Variants in TXNDC8 observed in about 807,000 individuals in gnomAD.
TXNDC8 encodes the protein thioredoxin domain-containing protein 8.
TXNDC8 carries 15 observed loss-of-function variants against 12.9 expected under a neutral mutation model. The observed-to-expected ratio is 1.16, with a 90% CI of 0.78 to 1.79. The LOEUF (loss-of-function observed/expected upper bound fraction) is 1.79, where lower values mean the gene tolerates loss of function less well. Ranked by LOEUF, TXNDC8 falls within the 40% of genes most tolerant of loss-of-function variation. The probability of loss-of-function intolerance (pLI) is 0.00; values close to 1 mark genes in which losing one functional copy is unlikely to be tolerated. For missense variants in TXNDC8, 128 were observed against 113.2 expected (o/e 1.13, Z -0.59); for synonymous variants, 40 against 35.4 (o/e 1.13, Z -0.46).
intron 3 of TXNDC8, among the ~76,000 whole-genome samples, chr9:110,310,936 A>G (rs1332570385): frequency 1.3e-5 from 2 of 152,268 alleles, no homozygotes; most frequent in Non-Finnish European, 2.9e-5. Flanking sequence ...AAATAGTTAC[A>G]TCTTGAATTT....
intron 3 of TXNDC8, among the ~76,000 whole-genome samples, chr9:110,318,746 A>C (rs1463958776): frequency 1.3e-5 from 2 of 152,206 alleles, no homozygotes; most frequent in African/African-American, 4.8e-5. Context: ...TAAAAAAAAA[A>C]AAAATTTTAA....
chr9:110,325,693 G>A (rs146727897), intron 3 of TXNDC8, among the ~76,000 whole-genome samples: 14,113 of 151,920 alleles, frequency 0.093, 1,191 homozygotes, highest in East Asian at 0.45. Flanking sequence ...GCTAATTTTT[G>A]TATTTTTAAT....
chr9:110,305,956 C>T (rs553084887), intron 3 of TXNDC8, among the ~76,000 whole-genome samples: 1 of 151,808 alleles, frequency 6.6e-6, no homozygotes, highest in South Asian at 2.1e-4. Context: ...CTCACTGCAA[C>T]CTCAGCTCAC....
rs1838934312 is a variant in TXNDC8 at position 110,317,601 on chromosome 9, T to C, written c.195+8574A>G. 2.6e-5 allele frequency among the ~76,000 whole-genome samples: 4 copies of C among 152,242 alleles called. No individual in the cohort carries two copies. The South Asian group carries it at 8.3e-4, about 31-fold the overall frequency. On this transcript the variant is annotated intron_variant, in intron 3 of 4. Coordinates refer to ENST00000423740, the MANE Select transcript of TXNDC8 (RefSeq NM_001286946.2). Reference sequence around the variant, plus strand: ...TTGTGCAAAGCAACAATACCTCTTTTACCTGCACAGGTAAGTTTCTTCTTT... The same window carrying C: ...TTGTGCAAAGCAACAATACCTCTTTCACCTGCACAGGTAAGTTTCTTCTTT...
intron 3 of TXNDC8, among the ~76,000 whole-genome samples, chr9:110,321,625 C>T (rs1839097051): frequency 6.6e-6 from 1 of 150,742 alleles, no homozygotes; most frequent in Non-Finnish European, 1.5e-5. Context: ...AAGAGAGGAG[C>T]ACATTTATGG....
intron 3 of TXNDC8, among the ~76,000 whole-genome samples, chr9:110,317,363 C>T (rs573868827): frequency 6.6e-6 from 1 of 152,338 alleles, no homozygotes; most frequent in Non-Finnish European, 1.5e-5. Context: ...CCCTTCACTT[C>T]TCCCCATGTT....
rs571668584 is a variant in TXNDC8 at position 110,306,305 on chromosome 9, A to G, written c.196-1773T>C. 9.2e-5 allele frequency among the ~76,000 whole-genome samples: 14 copies of G among 152,334 alleles called. No homozygotes were observed. The South Asian group carries it at 2.9e-3, about 32-fold the overall frequency. ...GGCTTTAGGGGACAAGTTTGCTACC[A>G]AATTCCATATGTTTTACCTTGGTCA... On this transcript the variant is annotated intron_variant, in intron 3 of 4. Coordinates refer to ENST00000423740, the MANE Select transcript of TXNDC8 (RefSeq NM_001286946.2).
At chr9:110,337,623 A>C in intron 1 of TXNDC8, 150 bp downstream of exon 1, 1 of 711,342 alleles carries the variant, frequency 1.4e-6, no homozygotes, top group South Asian at 2.0e-5. Context: ...CCCTCAAGGA[A>C]CAAGATAAAG....
intron 2 of TXNDC8, among the ~76,000 whole-genome samples, chr9:110,332,267 G>C (rs1175975247): frequency 2.0e-5 from 3 of 152,084 alleles, no homozygotes; most frequent in Non-Finnish European, 2.9e-5. Flanking sequence ...TGTTGGCCAG[G>C]GTGGTCTGGA....
At chr9:110,303,463 A>G (rs1331677966), downstream of TXNDC8, 1 of 1,496,558 alleles carries the variant, frequency 6.7e-7, no homozygotes, top group East Asian at 2.6e-5. Context: ...TGAAAGCACA[A>G]ACACATTTGC....
intron 3 of TXNDC8, among the ~76,000 whole-genome samples, chr9:110,319,375 C>T (rs543400136): frequency 5.9e-5 from 9 of 152,258 alleles, no homozygotes; most frequent in African/African-American, 1.2e-4. Flanking sequence ...GAGAGATGGC[C>T]GTGCACAGCT....
chr9:110,303,708 AC>A lies in TXNDC8; in HGVS notation c.262-1del. 6.3e-7 allele frequency: 1 copy of A among 1,585,048 alleles called. No homozygotes were observed. The stretch of plus-strand genomic sequence containing the variant: ...TACTCATTTCCATCATCTGCAAGAC[AC>A]TTTAAATATAAATATACATTAAACA... On this transcript the variant is annotated splice_acceptor_variant, in intron 4 of 4. Coordinates refer to ENST00000423740, the MANE Select transcript of TXNDC8 (RefSeq NM_001286946.2). LOFTEE classifies it high-confidence loss of function.
intron 3 of TXNDC8, among the ~76,000 whole-genome samples, chr9:110,312,714 A>C (rs1838735982): frequency 6.6e-6 from 1 of 152,264 alleles, no homozygotes; most frequent in Non-Finnish European, 1.5e-5. Flanking sequence ...ACTCAGTCCA[A>C]GTATAATAAA....
At chr9:110,322,887 A>C in intron 3 of TXNDC8, 1 of 985,422 alleles carries the variant, frequency 1.0e-6, no homozygotes, top group African/African-American at 1.7e-5. Context: ...GGATTCTTCT[A>C]GTCACTGAGC....
Position 110,304,468 on chromosome 9 carries a change from A to G in TXNDC8, c.260T>C (p.Leu87Pro). Residue 87 changes from leucine to proline, a missense_variant and splice_region_variant, in exon 4 of 5, where the codon CTG becomes CCG. Leu to Pro is a moderately conservative substitution (Grantham distance 98). Coordinates refer to ENST00000423740, the MANE Select transcript of TXNDC8 (RefSeq NM_001286946.2). ...CTAACTTGATCCCATTTCACTTACC[A>G]GGTTGCTCATGAATCCACTTCTATA... 6.2e-7 allele frequency: 1 copy of G among 1,609,492 alleles called. No homozygotes were observed. Among genetic ancestry groups the G allele is most frequent in the Non-Finnish European group, 8.5e-7 (1 of 1,177,084 alleles).
At chr9:110,331,579 A>C (rs1042275949) in intron 2 of TXNDC8, among the ~76,000 whole-genome samples, 5 of 152,308 alleles carry the variant, frequency 3.3e-5, no homozygotes, top group African/African-American at 1.2e-4. Flanking sequence ...TTGATCTCTG[A>C]CTGATACAGT....
chr9:110,323,314 A>G (rs1163582638), intron 3 of TXNDC8: 2 of 985,388 alleles, frequency 2.0e-6, no homozygotes, highest in Non-Finnish European at 1.2e-6. Flanking sequence ...AACAGGAGAC[A>G]AGCCAGAGGA....
chr9:110,321,473 T>C (rs1839088147), intron 3 of TXNDC8, among the ~76,000 whole-genome samples: 1 of 152,336 alleles, frequency 6.6e-6, no homozygotes, highest in Non-Finnish European at 1.5e-5. Flanking sequence ...CTTTGCCAGA[T>C]GTTTTATCAG....
In TXNDC8 at chr9:110,304,466, C is replaced by T; in HGVS notation, c.261+1G>A. ...CTCTAACTTGATCCCATTTCACTTA[C>T]CAGGTTGCTCATGAATCCACTTCTA... On this transcript the variant is annotated splice_donor_variant, in intron 4 of 4. Transcript: ENST00000423740. LOFTEE classifies it high-confidence loss of function. 6.2e-7 allele frequency: 1 copy of T among 1,609,090 alleles called. No individual in the cohort carries two copies. Among genetic ancestry groups the T allele is most frequent in the Non-Finnish European group, 8.5e-7 (1 of 1,176,794 alleles).
Sources: gnomAD v4.1 joint callset for allele counts (sites outside exome capture counted in the v4.1 genomes callset) on GRCh38, gnomAD v4.1.1 for gene constraint, MANE v1.5 for transcripts, NCBI Gene and HGNC (gene_info 2026-07-23, HGNC 2026-07-21) for gene names.